The following ANO10 variants were observed in gnomAD, a reference collection of about 807,000 sequenced individuals.
ANO10 encodes the protein anoctamin 10.
ANO10 carries 77 observed loss-of-function variants against 74.7 expected under a neutral mutation model. The observed-to-expected ratio is 1.03, with a 90% CI of 0.86 to 1.25. The LOEUF (loss-of-function observed/expected upper bound fraction) is 1.25. ANO10 is among the 50% of genes most tolerant of loss of function. The pLI, the probability that ANO10 is intolerant of heterozygous loss-of-function variation, is 0.00. For missense variants in ANO10, 721 were observed against 778.1 expected, an observed-to-expected ratio of 0.93 and a Z score of 0.87; for synonymous variants, 279 against 284.9, an observed-to-expected ratio of 0.98 and a Z score of 0.21.
intron 12 of ANO10, among the ~76,000 whole-genome samples, chr3:43,381,504 C>T (rs2091957636): frequency 6.6e-6 from 1 of 151,940 alleles, no homozygotes. Context: ...AGAAATAGTC[C>T]AACCAGAAAA....
intron 12 of ANO10, among the ~76,000 whole-genome samples, chr3:43,368,367 C>G (rs149262956): frequency 3.3e-5 from 5 of 152,324 alleles, no homozygotes; most frequent in Non-Finnish European, 7.4e-5. Flanking sequence ...CAAGTTAACA[C>G]TGGCCCAGGG....
rs1238767784 is a variant in ANO10, at chr3:43,598,567, T to C, written c.437A>G (p.Tyr146Cys). The C allele has an allele frequency of 1.2e-6, 2 of 1,613,036 alleles. No homozygotes were observed. Among genetic ancestry groups the C allele is most frequent in the Admixed American group, 1.7e-5 (1 of 59,948 alleles). ...TCCTGGATACAACTTTGCCTGAGGG[T>C]AACCAGGGATCATTTTTTCATCTTT... The part of the protein sequence containing the change: ...RAKDEKMIPG[Y>C]PQAKLYPGKS... The change falls in exon 4 of 13, where the codon TAC becomes TGC. Residue 146 changes from tyrosine to cysteine, a missense_variant. By Grantham distance (194) the Tyr-to-Cys change is radical. Transcript: ENST00000292246.
intron 12 of ANO10, among the ~76,000 whole-genome samples, chr3:43,372,229 C>T (rs968780375): frequency 1.6e-4 from 24 of 152,162 alleles, no homozygotes; most frequent in Non-Finnish European, 2.5e-4. Flanking sequence ...CATGGAACTT[C>T]GGCCATCTCT....
intron 11 of ANO10, among the ~76,000 whole-genome samples, chr3:43,448,876 T>TC (rs1359791779): frequency 9.0e-4 from 134 of 149,236 alleles, no homozygotes; most frequent in Middle Eastern, 6.8e-3. Context: ...TTTCTTTCTT[T>TC]TTTTTTTTTT....
At chr3:43,463,457 T>C (rs905489076) in intron 11 of ANO10, among the ~76,000 whole-genome samples, 4 of 152,244 alleles carry the variant, frequency 2.6e-5, no homozygotes, top group Admixed American at 1.3e-4. Flanking sequence ...AGTGTACTTA[T>C]GCTCAATGCT....
At chr3:43,460,835 A>G (rs2149026475) in intron 11 of ANO10, among the ~76,000 whole-genome samples, 1 of 152,350 alleles carries the variant, frequency 6.6e-6, no homozygotes, top group Non-Finnish European at 1.5e-5. Flanking sequence ...AAAATCCTGT[A>G]TTCATACAAC....
chr3:43,618,711 G>C (rs2149538654), intron 1 of ANO10, among the ~76,000 whole-genome samples: 1 of 152,278 alleles, frequency 6.6e-6, no homozygotes, highest in South Asian at 2.1e-4. Context: ...AATAAGCATG[G>C]ATTACTCAGA....
intron 1 of ANO10, among the ~76,000 whole-genome samples, chr3:43,669,207 G>C (rs556913258): frequency 6.6e-6 from 1 of 152,214 alleles, no homozygotes; most frequent in South Asian, 2.1e-4. Context: ...CAGGAGATTA[G>C]GCTCTGATAA....
chr3:43,613,214 T>C (rs1318162198), intron 1 of ANO10, among the ~76,000 whole-genome samples: 3 of 151,394 alleles, frequency 2.0e-5, no homozygotes, highest in Non-Finnish European at 4.4e-5. Flanking sequence ...GTATCAGGAA[T>C]GCTATTGAAA....
intron 12 of ANO10, among the ~76,000 whole-genome samples, chr3:43,394,077 G>A (rs2092330895): frequency 6.6e-6 from 1 of 152,120 alleles, no homozygotes; most frequent in Non-Finnish European, 1.5e-5. Context: ...CATGAGAATT[G>A]GGGGAAGTTT....
intron 11 of ANO10, among the ~76,000 whole-genome samples, chr3:43,499,851 A>G (rs1313431359): frequency 6.7e-6 from 1 of 150,240 alleles, no homozygotes; most frequent in Non-Finnish European, 1.5e-5. Flanking sequence ...TTTTTGAGAC[A>G]GAGTCTCACT....
At position 43,605,874 on chromosome 3, in the gene ANO10, TTAAAA is replaced by T. The variant is rs754838025; in HGVS notation, c.-11-16_-11-12del. On this transcript the variant is annotated splice_polypyrimidine_tract_variant and intron_variant, in intron 1 of 12. Transcript: ENST00000292246. ...TCATCTTTGACAAATCTGCGGAAAA[TTAAAA>T]TAAAGAGTGAAAATGGGTTGTTATT... 1 of 1,612,290 alleles carries T rather than the reference TTAAAA, an allele frequency of 6.2e-7. No homozygotes were observed. The highest frequency in any genetic ancestry group is 1.1e-5 in the South Asian group (1 of 90,998).
At position 43,533,044 on chromosome 3, in the gene ANO10, T is replaced by C. The variant is rs563641154; in HGVS notation, c.1797+16676A>G. Among the ~76,000 whole-genome samples the C allele has an allele frequency of 7.2e-5, 11 of 152,218 alleles. 1 individual carries two copies. In the South Asian group the frequency reaches 2.3e-3, roughly 32 times the overall value. On this transcript the variant is annotated intron_variant, in intron 11 of 12. Transcript: ENST00000292246. Reference sequence around the variant, plus strand: ...TAATACCTCCCCTTGCTTCCAGGCATGATAGAGCCCAAGACTTCATCAAAA... The same window carrying C: ...TAATACCTCCCCTTGCTTCCAGGCACGATAGAGCCCAAGACTTCATCAAAA...
intron 4 of ANO10, among the ~76,000 whole-genome samples, chr3:43,589,899 CCAAAATGGTATGCA>C (rs2081648323): frequency 6.6e-6 from 1 of 152,032 alleles, no homozygotes; most frequent in African/African-American, 2.4e-5. Flanking sequence ...AAAGCAAGGT[CCAAAATGGTATGCA>C]CAATATACTC....
intron 12 of ANO10, among the ~76,000 whole-genome samples, chr3:43,404,164 G>A (rs892464675): frequency 1.3e-5 from 2 of 152,216 alleles, no homozygotes; most frequent in Non-Finnish European, 2.9e-5. Flanking sequence ...GAGGGCCTCA[G>A]CTGTCCCTGA....
At chr3:43,569,318 C>T (rs1171145180) in intron 7 of ANO10, among the ~76,000 whole-genome samples, 3 of 140,804 alleles carry the variant, frequency 2.1e-5, no homozygotes, top group Non-Finnish European at 1.5e-5. Context: ...AAGAGGGAAT[C>T]CTCCCTAACT....
At chr3:43,614,070 CAA>C (rs1326089442) in intron 1 of ANO10, among the ~76,000 whole-genome samples, 2 of 152,062 alleles carry the variant, frequency 1.3e-5, no homozygotes, top group Non-Finnish European at 2.9e-5. Flanking sequence ...AAAAAAATAG[CAA>C]AGTTGGAAAG....
chr3:43,659,907 G>C lies in ANO10; in HGVS notation c.-12+31610C>G, dbSNP rs144156198. ...GAAGGATCAGGCAGCAATATTTGCT[G>C]TTCTGCAGCCTCTGCTGGTGATACC... is the stretch of plus-strand genomic sequence containing the variant. On this transcript the variant is annotated intron_variant, in intron 1 of 3. Transcript: ENST00000413397. Among the ~76,000 whole-genome samples, 63 of 152,316 alleles carry C rather than the reference G, an allele frequency of 4.1e-4. No homozygotes were observed. In the East Asian group the frequency reaches 0.012, roughly 28 times the overall value.
At chr3:43,406,572 A>C (rs1240344251) in intron 12 of ANO10, among the ~76,000 whole-genome samples, 2 of 151,988 alleles carry the variant, frequency 1.3e-5, no homozygotes, top group East Asian at 3.8e-4. Flanking sequence ...CAGAAACACC[A>C]GTTATGAATG....
Sources: gnomAD v4.1 joint callset for allele counts (sites outside exome capture counted in the v4.1 genomes callset) on GRCh38, gnomAD v4.1.1 for gene constraint, MANE v1.5 for transcripts, NCBI Gene and HGNC (gene_info 2026-07-23, HGNC 2026-07-21) for gene names.